SKA2: variants seen among roughly 807,000 people sequenced by gnomAD.
SKA2 encodes the protein spindle and kinetochore associated complex subunit 2, also known as spindle and kinetochore-associated protein 2.
A neutral mutation model predicts 16.9 loss-of-function variants in SKA2; 13 were observed. The ratio of observed to expected loss-of-function variants is 0.77; its 90% CI spans 0.50 to 1.22. The LOEUF is 1.22. SKA2 is among the 50% of genes most tolerant of loss of function. SKA2 has a pLI of 0.00. For synonymous variants in SKA2, 47 were observed against 48.5 expected, an observed-to-expected ratio of 0.97 and a Z score of 0.13; for missense variants, 107 against 139.7, an observed-to-expected ratio of 0.77 and a Z score of 1.18.
At chr17:59,112,380 A>T (rs2046269219) in intron 3 of SKA2, 35 bp from the exon 4 acceptor site, 1 of 1,501,540 alleles carries the variant, frequency 6.7e-7, no homozygotes, top group South Asian at 1.2e-5. Context: ...TATTTCAAAA[A>T]CTTTCAAAGA....
chr17:59,125,727 C>G (rs1166692270), intron 2 of SKA2, among the ~76,000 whole-genome samples: 1 of 150,344 alleles, frequency 6.7e-6, no homozygotes, highest in Non-Finnish European at 1.5e-5. Context: ...TAAAAATACT[C>G]TGCTAATGAT....
chr17:59,150,864 A>G (rs1427765330), intron 1 of SKA2, among the ~76,000 whole-genome samples: 3 of 152,238 alleles, frequency 2.0e-5, no homozygotes, highest in Non-Finnish European at 4.4e-5. Flanking sequence ...GAACCTATCC[A>G]AATATGTAAC....
At chr17:59,154,493 C>T (rs2046605446) in intron 1 of SKA2, among the ~76,000 whole-genome samples, 1 of 152,228 alleles carries the variant, frequency 6.6e-6, no homozygotes, top group Non-Finnish European at 1.5e-5. Context: ...CTGTCTCAAT[C>T]CCGCCCGCGC....
intron 1 of SKA2, chr17:59,137,862 T>G (rs772882019): frequency 1.4e-5 from 7 of 505,848 alleles, no homozygotes; most frequent in South Asian, 1.1e-4. Context: ...TAGGATCTGG[T>G]GATAAACAGA....
At chr17:59,136,693 C>T (rs1280847706) in intron 1 of SKA2, among the ~76,000 whole-genome samples, 2 of 151,908 alleles carry the variant, frequency 1.3e-5, no homozygotes, top group Non-Finnish European at 2.9e-5. Flanking sequence ...GGACTATAGG[C>T]GTGCACCACC....
chr17:59,153,967 T>C (rs2046597646), intron 1 of SKA2, among the ~76,000 whole-genome samples: 1 of 151,428 alleles, frequency 6.6e-6, no homozygotes, highest in South Asian at 2.1e-4. Flanking sequence ...AGACGGAGTT[T>C]CACCATGTTG....
chr17:59,119,406 C>T lies in SKA2; in HGVS notation c.210G>A (p.Glu70=), dbSNP rs765728173. 1 of 1,613,976 alleles carries T rather than the reference C, an allele frequency of 6.2e-7. No individual in the cohort carries two copies. The highest frequency in any genetic ancestry group is 8.5e-7 in the Non-Finnish European group (1 of 1,179,882). The change falls in exon 3 of 4, where the codon GAG becomes GAA. Residue 70 remains glutamate (E), a synonymous_variant. Coordinates refer to ENST00000330137, the MANE Select transcript of SKA2 (RefSeq NM_182620.4). ...AAATGCGGCTCTTACTCTCTTTCTG[C>T]TCAACAGCAACTGGTTTAAAGCGGG... ...LYARFKPVAV[E]QKESKSRICA...
At chr17:59,124,430 T>TG (rs1383642407) in intron 2 of SKA2, 7 of 87,162 alleles carry the variant, frequency 8.0e-5, no homozygotes, top group African/African-American at 2.3e-4. Flanking sequence ...AGACTCTGTC[T>TG]GGGGAAAAAA....
At chr17:59,125,847 G>C (rs1861655405) in intron 2 of SKA2, among the ~76,000 whole-genome samples, 1 of 152,054 alleles carries the variant, frequency 6.6e-6, no homozygotes, top group Non-Finnish European at 1.5e-5. Flanking sequence ...AAGCTTAAAA[G>C]AATCTATAGG....
intron 2 of SKA2, among the ~76,000 whole-genome samples, chr17:59,130,164 A>C (rs2046402435): frequency 1.3e-5 from 2 of 152,174 alleles, no homozygotes; most frequent in South Asian, 4.1e-4. Context: ...AATAAACAGT[A>C]AAAACTGAAC....
chr17:59,142,086 G>A (rs1375771762), intron 1 of SKA2, among the ~76,000 whole-genome samples: 1 of 152,140 alleles, frequency 6.6e-6, no homozygotes, highest in African/African-American at 2.4e-5. Flanking sequence ...ATCAAGAGGA[G>A]AAAAATGTAC....
rs575920240 is a variant in SKA2, at chr17:59,131,476, A to G, written c.34-109T>C. Reference sequence around the variant, plus strand: ...TTGTTAGTATTTCAATAAGTGATACATACTCATTTGAAAATGTGGAAATAA... The same window carrying G: ...TTGTTAGTATTTCAATAAGTGATACGTACTCATTTGAAAATGTGGAAATAA... On this transcript the variant is annotated intron_variant, in intron 1 of 3. Coordinates refer to ENST00000330137, the MANE Select transcript of SKA2 (RefSeq NM_182620.4). The G allele has an allele frequency of 4.0e-4, 231 of 577,894 alleles. No homozygotes were observed. The African/African-American group carries it at 4.1e-3, about 10-fold the overall frequency. The allele number at this position is 577,894 out of a possible 1,614,324, so 35.8% of individuals were successfully genotyped here.
At chr17:59,114,212 C>T in intron 3 of SKA2, among the ~76,000 whole-genome samples, 1 of 152,170 alleles carries the variant, frequency 6.6e-6, no homozygotes, top group South Asian at 2.1e-4. Flanking sequence ...ATCAGATGCA[C>T]CCCTGGAGCT....
intron 1 of SKA2, among the ~76,000 whole-genome samples, chr17:59,147,400 A>ACACACACACG (rs1419702534): frequency 2.6e-5 from 4 of 151,688 alleles, no homozygotes; most frequent in African/African-American, 9.7e-5. Flanking sequence ...ACACACACAC[A>ACACACACACG]CACACACACA....
chr17:59,133,324 C>T (rs534255163), intron 1 of SKA2, among the ~76,000 whole-genome samples: 3 of 152,246 alleles, frequency 2.0e-5, no homozygotes, highest in South Asian at 2.1e-4. Context: ...CATGAAATTC[C>T]GCATCTTTTA....
chr17:59,135,808 T>C (rs1238452330), intron 1 of SKA2, among the ~76,000 whole-genome samples: 2 of 148,214 alleles, frequency 1.3e-5, no homozygotes, highest in African/African-American at 4.9e-5. Flanking sequence ...AATTTTATAT[T>C]GCATATTTAA....
chr17:59,119,247 T>A (rs547567803), intron 3 of SKA2, 72 bp downstream of exon 3: 2 of 1,516,558 alleles, frequency 1.3e-6, no homozygotes, highest in African/African-American at 2.8e-5. Context: ...TTAAGTTACA[T>A]CAGGTTTATT....
At chr17:59,130,885 T>C (rs1051502260) in intron 2 of SKA2, among the ~76,000 whole-genome samples, 1 of 152,114 alleles carries the variant, frequency 6.6e-6, no homozygotes, top group Non-Finnish European at 1.5e-5. Flanking sequence ...ATTCATAAAA[T>C]ATAAGTAAAA....
chr17:59,142,331 C>T (rs2046496947), intron 1 of SKA2, among the ~76,000 whole-genome samples: 1 of 146,648 alleles, frequency 6.8e-6, no homozygotes, highest in Middle Eastern at 3.6e-3. Flanking sequence ...GCTCTTGTTG[C>T]CCAGGCTGGA....
Sources: gnomAD v4.1 joint callset for allele counts (sites outside exome capture counted in the v4.1 genomes callset) on GRCh38, gnomAD v4.1.1 for gene constraint, MANE v1.5 for transcripts, NCBI Gene and HGNC (gene_info 2026-07-23, HGNC 2026-07-21) for gene names.